The following CDH13 variants were observed in gnomAD, a reference collection of about 807,000 sequenced individuals.
The protein encoded by CDH13 is cadherin 13.
CDH13 carries 24 observed loss-of-function variants against 63.8 expected under a neutral mutation model. The observed-to-expected ratio is 0.38, with a 90% CI of 0.27 to 0.53. The LOEUF (loss-of-function observed/expected upper bound fraction) is 0.53. Ranked by LOEUF, CDH13 falls within the 20% of genes least tolerant of loss-of-function variation. CDH13 has a pLI of 0.85. For missense variants in CDH13, 1,049 were observed against 903.1 expected (o/e 1.16, Z -2.07); for synonymous variants, 503 against 355.3 (o/e 1.42, Z -4.67).
rs1479574150 is a variant in CDH13 at position 82,737,384 on chromosome 16, T to C, written c.45+110247T>C. ...TATATTTTTCTCCTTTGCCCTTCCA[T>C]GTTATTTCCATTTCACCCACCGTTG... On this transcript the variant is annotated intron_variant, in intron 1 of 13. Coordinates refer to ENST00000567109, the MANE Select transcript of CDH13 (RefSeq NM_001257.5). Among the ~76,000 whole-genome samples, 7 of 152,324 alleles carry C rather than the reference T, an allele frequency of 4.6e-5. No individual in the cohort carries two copies. The East Asian group carries it at 1.4e-3, about 29-fold the overall frequency.
At chr16:83,364,981 G>A (rs1461627447) in intron 6 of CDH13, among the ~76,000 whole-genome samples, 2 of 152,196 alleles carry the variant, frequency 1.3e-5, no homozygotes, top group Non-Finnish European at 2.9e-5. Flanking sequence ...TAAAACCCAG[G>A]TGTTGGGTTG....
intron 5 of CDH13, among the ~76,000 whole-genome samples, chr16:83,242,643 C>A (rs546425701): frequency 6.6e-6 from 1 of 152,162 alleles, no homozygotes; most frequent in Non-Finnish European, 1.5e-5. Context: ...AGAAGATCCT[C>A]ATAGAAGAGG....
chr16:83,395,260 G>A (rs993715730), intron 6 of CDH13, among the ~76,000 whole-genome samples: 1 of 151,768 alleles, frequency 6.6e-6, no homozygotes, highest in African/African-American at 2.4e-5. Context: ...GTTGCAGTGA[G>A]CCAAGACTGT....
intron 6 of CDH13, among the ~76,000 whole-genome samples, chr16:83,392,140 C>T (rs1202692405): frequency 6.6e-6 from 1 of 152,138 alleles, no homozygotes; most frequent in African/African-American, 2.4e-5. Flanking sequence ...TTCTGTTAAC[C>T]CTGCCTTGAA....
At chr16:82,969,398 C>T (rs892649209) in intron 2 of CDH13, among the ~76,000 whole-genome samples, 1 of 152,048 alleles carries the variant, frequency 6.6e-6, no homozygotes, top group African/African-American at 2.4e-5. Flanking sequence ...CCCCTGATCT[C>T]TCCCACCTCA....
chr16:82,967,601 C>T (rs1448167669), intron 2 of CDH13, among the ~76,000 whole-genome samples: 1 of 152,238 alleles, frequency 6.6e-6, no homozygotes, highest in Non-Finnish European at 1.5e-5. Context: ...AGTCCTTGAA[C>T]TCACGCTCCT....
chr16:83,181,155 C>T, intron 4 of CDH13: 1 of 729,858 alleles, frequency 1.4e-6, no homozygotes, highest in Non-Finnish European at 2.1e-6. Context: ...CAGAAGTCAT[C>T]ACATCTACTG....
At chr16:83,566,206 T>G (rs1904279356) in intron 7 of CDH13, among the ~76,000 whole-genome samples, 2 of 152,116 alleles carry the variant, frequency 1.3e-5, no homozygotes, top group Admixed American at 6.5e-5. Flanking sequence ...GCAGCCCAGT[T>G]GCTTCTGCTT....
chr16:83,113,153 A>T (rs1199287871), intron 3 of CDH13, among the ~76,000 whole-genome samples: 2 of 152,258 alleles, frequency 1.3e-5, no homozygotes, highest in Non-Finnish European at 2.9e-5. Context: ...GTTTAACAAA[A>T]GGGAGAATTT....
intron 1 of CDH13, among the ~76,000 whole-genome samples, chr16:82,631,061 T>C (rs1215228824): frequency 6.6e-6 from 1 of 152,240 alleles, no homozygotes; most frequent in East Asian, 1.9e-4. Context: ...TGTATTTATT[T>C]CTGTGTCTCT....
intron 3 of CDH13, among the ~76,000 whole-genome samples, chr16:83,064,860 G>C (rs1046591207): frequency 9.9e-5 from 15 of 151,868 alleles, no homozygotes; most frequent in African/African-American, 3.1e-4. Flanking sequence ...TTTTTGCTGA[G>C]ACATTTGAAA....
chr16:83,643,673 T>C (rs560370349), intron 8 of CDH13, among the ~76,000 whole-genome samples: 6 of 152,322 alleles, frequency 3.9e-5, no homozygotes, highest in African/African-American at 1.4e-4. Flanking sequence ...AACTCCATAA[T>C]GTTTAGTAAT....
chr16:83,719,927 A>G (rs1481648060), intron 10 of CDH13, among the ~76,000 whole-genome samples: 2 of 151,870 alleles, frequency 1.3e-5, no homozygotes, highest in East Asian at 1.9e-4. Flanking sequence ...GTGGGGTCAG[A>G]CTCCACTGTA....
At position 83,453,400 on chromosome 16, in the gene CDH13, T is replaced by C. The variant is rs1308487396; in HGVS notation, c.782-33077T>C. On this transcript the variant is annotated intron_variant, in intron 6 of 13. Transcript: ENST00000567109. ...ATTAAAAATAAAATGAAAAACAACA[T>C]TGATCATGAAAAAAACATGAATAAC... 2.0e-5 allele frequency among the ~76,000 whole-genome samples: 3 copies of C among 151,988 alleles called. No individual in the cohort carries two copies. The South Asian group carries it at 6.2e-4, about 32-fold the overall frequency.
intron 6 of CDH13, among the ~76,000 whole-genome samples, chr16:83,389,986 G>C (rs979972071): frequency 1.3e-5 from 2 of 152,322 alleles, no homozygotes; most frequent in East Asian, 3.9e-4. Flanking sequence ...TCAGTGATAA[G>C]AAAGTCAACT....
chr16:82,723,760 A>G (rs2032926604), intron 1 of CDH13, among the ~76,000 whole-genome samples: 1 of 152,198 alleles, frequency 6.6e-6, no homozygotes, highest in Non-Finnish European at 1.5e-5. Flanking sequence ...TTTTTGCTTT[A>G]GAATATAGAA....
At chr16:82,662,232 C>T (rs934502014) in intron 1 of CDH13, among the ~76,000 whole-genome samples, 1 of 138,200 alleles carries the variant, frequency 7.2e-6, no homozygotes, top group African/African-American at 2.6e-5. Context: ...ACTTAAAAAA[C>T]AGATGCAACA....
intron 6 of CDH13, among the ~76,000 whole-genome samples, chr16:83,418,865 C>T (rs1397812938): frequency 1.3e-5 from 2 of 152,152 alleles, no homozygotes; most frequent in Admixed American, 6.5e-5. Context: ...GGTTGTTTTC[C>T]TTCTTTGGGG....
intron 2 of CDH13, among the ~76,000 whole-genome samples, chr16:82,880,340 G>T (rs995330511): frequency 2.6e-5 from 4 of 151,984 alleles, no homozygotes; most frequent in African/African-American, 7.2e-5. Context: ...ACTGTCTCTC[G>T]TTTCACTTAC....
Sources: allele counts gnomAD v4.1 joint callset (sites outside exome capture counted in the v4.1 genomes callset), GRCh38; gene constraint gnomAD v4.1.1; transcripts MANE v1.5; gene names NCBI Gene and HGNC (gene_info 2026-07-23, HGNC 2026-07-21).